The following PLD1 variants were observed in gnomAD, a reference collection of about 807,000 sequenced individuals.
PLD1 encodes the protein choline phosphatase 1.
PLD1 carries 112 observed loss-of-function variants against 137.1 expected under a neutral mutation model. That is an observed-to-expected ratio of 0.82 (90% confidence interval 0.70 to 0.96). The LOEUF (loss-of-function observed/expected upper bound fraction) is 0.96. Among genes scored for constraint, PLD1 ranks in the 40% least tolerant of loss-of-function variants. PLD1 has a pLI of 0.00. For missense variants in PLD1, 1,321 were observed against 1,342.0 expected, an observed-to-expected ratio of 0.98 and a Z score of 0.24; for synonymous variants, 431 against 454.7, an observed-to-expected ratio of 0.95 and a Z score of 0.66.
intron 23 of PLD1, among the ~76,000 whole-genome samples, chr3:171,639,630 T>TATAATATATATTATATATAATATATTTC (rs1560170352): frequency 3.0e-5 from 1 of 33,674 alleles, no homozygotes; most frequent in African/African-American, 2.8e-4. Flanking sequence ...ATATATATTC[T>TATAATATATATTATATATAATATATTTC]ATATAATATA....
In PLD1 at chr3:171,677,687, C is replaced by A. The variant is rs759277802; in HGVS notation, c.1875G>T (p.Gly625=). The change falls in exon 17 of 27, where the codon GGG becomes GGT. Residue 625 remains glycine (G), a synonymous_variant. Coordinates refer to ENST00000351298, the MANE Select transcript of PLD1 (RefSeq NM_002662.5). ...QGLTRPHADT[G]SIRSLQTGVG... ...CACCTGTCTGTAAACTACGGATGGA[C>A]CCGGTATCTGTGAATGCAGCAAGAC... The A allele has an allele frequency of 1.5e-5, 24 of 1,613,692 alleles. No individual in the cohort carries two copies. Among genetic ancestry groups the A allele is most frequent in the Non-Finnish European group, 1.8e-5 (21 of 1,179,884 alleles).
chr3:171,684,807 G>C (rs1181536149), intron 16 of PLD1, among the ~76,000 whole-genome samples: 24 of 152,150 alleles, frequency 1.6e-4, no homozygotes, highest in Admixed American at 1.6e-3. Context: ...AGATGGTCTT[G>C]AATTCCTGGG....
At chr3:171,651,877 G>A (rs1368569634) in intron 21 of PLD1, among the ~76,000 whole-genome samples, 4 of 152,070 alleles carry the variant, frequency 2.6e-5, no homozygotes, top group African/African-American at 4.8e-5. Flanking sequence ...CACATGCTCA[G>A]GCTCAAAATG....
At chr3:171,646,451 G>A (rs184657910) in intron 21 of PLD1, among the ~76,000 whole-genome samples, 1 of 152,264 alleles carries the variant, frequency 6.6e-6, no homozygotes, top group East Asian at 1.9e-4. Flanking sequence ...GGGCAGAAAT[G>A]ACTACCAACA....
rs34683994 is a variant in PLD1 at position 171,770,888 on chromosome 3, C to CAAAAAAAAAAAAAAAAAAAAAAA, written c.-31-32829_-31-32807dup. On this transcript the variant is annotated intron_variant, in intron 1 of 26. Transcript: ENST00000351298. ...TTGGTGACAGAGCAAAACCCTATCT[C>CAAAAAAAAAAAAAAAAAAAAAAA]AAAAAAAAAAAAAAAAAAAAAAAGG... Among the ~76,000 whole-genome samples the CAAAAAAAAAAAAAAAAAAAAAAA allele has an allele frequency of 3.7e-4, 15 of 40,876 alleles. 1 individual carries two copies. The highest frequency in any genetic ancestry group is 1.2e-3 in the African/African-American group (15 of 12,600). The allele number at this position is 40,876 out of a possible 152,430, so 26.8% of individuals were successfully genotyped here.
At chr3:171,685,502 T>C (rs1288122246) in intron 16 of PLD1, among the ~76,000 whole-genome samples, 2 of 152,216 alleles carry the variant, frequency 1.3e-5, no homozygotes, top group Non-Finnish European at 2.9e-5. Context: ...GCAGGTCATG[T>C]ATCATCTCTA....
intron 1 of PLD1, among the ~76,000 whole-genome samples, chr3:171,803,908 G>A (rs1723744279): frequency 6.6e-6 from 1 of 151,990 alleles, no homozygotes. Flanking sequence ...CAGAGGTGTG[G>A]GTATTTATTA....
intron 1 of PLD1, among the ~76,000 whole-genome samples, chr3:171,751,647 A>G (rs1720668534): frequency 6.6e-6 from 1 of 152,224 alleles, no homozygotes; most frequent in South Asian, 2.1e-4. Flanking sequence ...TAAAATTACA[A>G]TGTATTGGTG....
At chr3:171,606,311 G>A (rs1265395029) in intron 25 of PLD1, among the ~76,000 whole-genome samples, 1 of 152,136 alleles carries the variant, frequency 6.6e-6, no homozygotes. Flanking sequence ...TCAGGAATTC[G>A]ATTTTGAGCC....
chr3:171,657,395 T>C (rs189915917), intron 21 of PLD1, among the ~76,000 whole-genome samples: 1 of 152,358 alleles, frequency 6.6e-6, no homozygotes, highest in African/African-American at 2.4e-5. Flanking sequence ...CAAATGCATA[T>C]GCACTTATTC....
intron 1 of PLD1, among the ~76,000 whole-genome samples, chr3:171,764,923 AGGAAAGAAAG>A (rs1560289110): frequency 7.5e-5 from 2 of 26,500 alleles, no homozygotes; most frequent in Non-Finnish European, 7.9e-5. Flanking sequence ...AAAGAAAGAA[AGGAAAGAAAG>A]GAAAGAAAGA....
chr3:171,642,862 G>T lies in PLD1; in HGVS notation c.2571C>A (p.Ile857=), dbSNP rs371606750. ...YRTMCRGENS[I]LGQLKAELGN... is the part of the protein sequence containing the mutation. ...TACGCTCTGCTTTTAACTGTCCAAG[G>T]ATGGAATTTTCTCCTCTGCACATGG... Residue 857 remains isoleucine (I), a synonymous_variant, in exon 23 of 27, where the codon ATC becomes ATA. Transcript: ENST00000351298. 1 of 1,590,282 alleles carries T rather than the reference G, an allele frequency of 6.3e-7. No individual in the cohort carries two copies. Among genetic ancestry groups the T allele is most frequent in the Non-Finnish European group, 8.6e-7 (1 of 1,165,528 alleles).
rs1249153201 is a variant in PLD1 at position 171,659,373 on chromosome 3, A to G, written c.2341-72T>C. On this transcript the variant is annotated intron_variant, in intron 20 of 26. Coordinates refer to ENST00000351298, the MANE Select transcript of PLD1 (RefSeq NM_002662.5). ...CAATATACGTAAGAACAATACTGTA[A>G]TATATTTTTTAAAATGTTTCACACA... The G allele has an allele frequency of 5.2e-6, 5 of 961,322 alleles. No individual in the cohort carries two copies. The African/African-American group carries it at 8.1e-5, about 15-fold the overall frequency. 59.5% of individuals were successfully genotyped at this position (961,322 alleles called of 1,614,324 possible).
chr3:171,622,377 G>C (rs981661000), intron 23 of PLD1, among the ~76,000 whole-genome samples: 2 of 152,122 alleles, frequency 1.3e-5, no homozygotes, highest in African/African-American at 4.8e-5. Flanking sequence ...CACTGCCATA[G>C]AGCTTTGATA....
chr3:171,721,079 TC>T (rs1316117954), intron 8 of PLD1, among the ~76,000 whole-genome samples: 1 of 152,148 alleles, frequency 6.6e-6, no homozygotes, highest in Non-Finnish European at 1.5e-5. Context: ...CTAACAGAAC[TC>T]CATGAGGGCA....
chr3:171,612,512 C>T lies in PLD1; in HGVS notation c.2729-80G>A, dbSNP rs917094509. 1 of 1,369,798 alleles carries T rather than the reference C, an allele frequency of 7.3e-7. No individual in the cohort carries two copies. The highest frequency in any genetic ancestry group is 1.0e-6 in the Non-Finnish European group (1 of 970,424). The allele number at this position is 1,369,798 out of a possible 1,614,324, so 84.9% of individuals were successfully genotyped here. A position where few individuals can be genotyped will look rare whatever the true frequency, so the allele number is the denominator to read the frequency against. ...GGTTGCCCTCCCAACTCAATTCATC[C>T]TTGCAAACAAAACCGTAATTTTGTC... On this transcript the variant is annotated intron_variant, in intron 24 of 26. Transcript: ENST00000351298. The surrounding 1 kb of genome is among the most constrained non-coding windows in gnomAD (Gnocchi z 4.1).
intron 16 of PLD1, among the ~76,000 whole-genome samples, chr3:171,680,551 T>C (rs1368598418): frequency 6.6e-6 from 1 of 152,150 alleles, no homozygotes; most frequent in Non-Finnish European, 1.5e-5. Flanking sequence ...TCTTTTTCTA[T>C]ACAATTTCTA....
intron 25 of PLD1, among the ~76,000 whole-genome samples, chr3:171,609,326 T>G (rs1418379855): frequency 2.0e-5 from 3 of 152,138 alleles, no homozygotes; most frequent in Non-Finnish European, 4.4e-5. Context: ...GGAGACAGTA[T>G]GGACACTTCT....
intron 1 of PLD1, among the ~76,000 whole-genome samples, chr3:171,747,280 G>A (rs1054027845): frequency 6.6e-6 from 1 of 152,212 alleles, no homozygotes; most frequent in Non-Finnish European, 1.5e-5. Context: ...ACTAGGGCAG[G>A]TTAAGTTGCT....
Sources: gnomAD v4.1 joint callset for allele counts (sites outside exome capture counted in the v4.1 genomes callset) on GRCh38, gnomAD v4.1.1 for gene constraint, Gnocchi (gnomAD v3.1) non-coding constraint, MANE v1.5 for transcripts, NCBI Gene and HGNC (gene_info 2026-07-23, HGNC 2026-07-21) for gene names.